Variants in TMEM45A observed in about 807,000 individuals in gnomAD.
TMEM45A encodes the protein transmembrane protein 45A.
TMEM45A carries 25 observed loss-of-function variants against 32.0 expected under a neutral mutation model. The ratio of observed to expected loss-of-function variants is 0.78; its 90% CI spans 0.57 to 1.09. TMEM45A has a LOEUF of 1.09. TMEM45A is among the 50% of genes least tolerant of loss of function. The pLI, the probability that TMEM45A is intolerant of heterozygous loss-of-function variation, is 0.00. For missense variants in TMEM45A, 302 were observed against 325.0 expected, an observed-to-expected ratio of 0.93 and a Z score of 0.54; for synonymous variants, 122 against 114.8, an observed-to-expected ratio of 1.06 and a Z score of -0.40.
intron 1 of TMEM45A, among the ~76,000 whole-genome samples, chr3:100,526,197 T>C (rs1705541740): frequency 6.6e-6 from 1 of 152,202 alleles, no homozygotes; most frequent in African/African-American, 2.4e-5. Flanking sequence ...GCAGAGGAGC[T>C]GTGTGCTGGG....
intron 1 of TMEM45A, among the ~76,000 whole-genome samples, chr3:100,493,691 A>G (rs1322186664): frequency 6.6e-6 from 1 of 152,100 alleles, no homozygotes; most frequent in Non-Finnish European, 1.5e-5. Flanking sequence ...TATGCTATAT[A>G]GTATACTCTA....
Position 100,576,638 on chromosome 3 carries a change from GAAAAGA to G in TMEM45A, c.735-266_735-261del, listed in dbSNP as rs766976717. ...CTGTCTCATAAAAAAAAATAGAAAAGAAAAGAAAAAGAAAAAGAAAAAGAAATGAGC... is the reference window on the plus strand; with the variant it reads ...CTGTCTCATAAAAAAAAATAGAAAAGAAAAGAAAAAGAAAAAGAAATGAGC... On this transcript the variant is annotated intron_variant, in intron 5 of 5. Transcript: ENST00000323523. 5.3e-5 allele frequency among the ~76,000 whole-genome samples: 8 copies of G among 151,782 alleles called. 1 individual carries two copies. The highest frequency in any genetic ancestry group is 4.2e-4 in the South Asian group (2 of 4,794).
intron 2 of TMEM45A, among the ~76,000 whole-genome samples, chr3:100,555,852 A>G (rs1403838704): frequency 6.6e-6 from 1 of 152,256 alleles, no homozygotes; most frequent in African/African-American, 2.4e-5. Context: ...GCATCAAATT[A>G]CACAGTAACA....
chr3:100,555,452 T>C (rs1369367476), intron 2 of TMEM45A, 51 bp downstream of exon 2: 5 of 1,497,014 alleles, frequency 3.3e-6, no homozygotes, highest in Non-Finnish European at 4.5e-6. Flanking sequence ...GTTTTCATTC[T>C]TTTAAAGAAT....
intron 1 of TMEM45A, among the ~76,000 whole-genome samples, chr3:100,515,299 T>TA (rs1351029096): frequency 6.6e-6 from 1 of 151,654 alleles, no homozygotes; most frequent in Non-Finnish European, 1.5e-5. Context: ...TATGCAGCCA[T>TA]AAAAAATGAT....
Position 100,555,219 on chromosome 3 carries a change from A to G in TMEM45A, c.8A>G (p.Asn3Ser). ...TTCTTATATTTGTAGATCATGGGGA[A>G]TTTCAGAGGTCATGCCCTCCCTGGA... The part of the protein sequence containing the change: MG[N>S]FRGHALPGTF... Residue 3 changes from asparagine to serine, a missense_variant, in exon 2 of 6, where the codon AAT becomes AGT. Physicochemically the swap from Asn to Ser is conservative, Grantham distance 46. Coordinates refer to ENST00000323523, the MANE Select transcript of TMEM45A (RefSeq NM_018004.3). The G allele has an allele frequency of 6.3e-7, 1 of 1,591,170 alleles. No homozygotes were observed. Among genetic ancestry groups the G allele is most frequent in the African/African-American group, 1.4e-5 (1 of 73,768 alleles).
At chr3:100,544,969 A>G (rs1705956177) in intron 1 of TMEM45A, among the ~76,000 whole-genome samples, 1 of 152,172 alleles carries the variant, frequency 6.6e-6, no homozygotes, top group Admixed American at 6.5e-5. Flanking sequence ...TAAGAGTTCT[A>G]GCTGGTCCAC....
intron 5 of TMEM45A, chr3:100,571,632 G>A (rs1706561853): frequency 6.6e-6 from 1 of 151,884 alleles, no homozygotes; most frequent in South Asian, 2.1e-4. Context: ...AAGTTTTAGG[G>A]TACATGTGCA....
intron 1 of TMEM45A, among the ~76,000 whole-genome samples, chr3:100,535,666 C>A (rs890375844): frequency 1.3e-5 from 2 of 152,196 alleles, no homozygotes; most frequent in Non-Finnish European, 2.9e-5. Flanking sequence ...GTAGTGATGA[C>A]ATCCAATCAT....
At chr3:100,499,566 T>C (rs147853163) in intron 1 of TMEM45A, among the ~76,000 whole-genome samples, 35 of 152,364 alleles carry the variant, frequency 2.3e-4, no homozygotes, top group African/African-American at 7.2e-4. Flanking sequence ...GATTTTTTCT[T>C]ATAGAATTAC....
intron 3 of TMEM45A, among the ~76,000 whole-genome samples, chr3:100,558,100 A>G (rs1316453920): frequency 6.6e-6 from 1 of 152,220 alleles, no homozygotes; most frequent in Non-Finnish European, 1.5e-5. Flanking sequence ...AAAGAGGAAA[A>G]GATATTCATT....
chr3:100,561,738 A>T (rs1198217290), intron 4 of TMEM45A, among the ~76,000 whole-genome samples: 1 of 152,314 alleles, frequency 6.6e-6, no homozygotes, highest in Non-Finnish European at 1.5e-5. Flanking sequence ...CTCACCGCCC[A>T]GGTGCAGGGA....
intron 1 of TMEM45A, among the ~76,000 whole-genome samples, chr3:100,535,408 A>T (rs1423359336): frequency 6.6e-6 from 1 of 152,070 alleles, no homozygotes; most frequent in Non-Finnish European, 1.5e-5. Flanking sequence ...ACACCAAGAG[A>T]CCGAGAGACC....
At chr3:100,537,732 G>A (rs947394820) in intron 1 of TMEM45A, among the ~76,000 whole-genome samples, 5 of 152,220 alleles carry the variant, frequency 3.3e-5, no homozygotes, top group African/African-American at 9.6e-5. Context: ...ATAGCCAAAC[G>A]TTCACACAGG....
At chr3:100,572,127 G>C (rs1304920131) in intron 5 of TMEM45A, 5 of 152,192 alleles carry the variant, frequency 3.3e-5, no homozygotes, top group African/African-American at 1.2e-4. Context: ...TAATGGGATG[G>C]CTGGATCAAA....
intron 1 of TMEM45A, among the ~76,000 whole-genome samples, chr3:100,546,996 C>T (rs761103712): frequency 2.6e-5 from 4 of 152,132 alleles, no homozygotes; most frequent in Non-Finnish European, 5.9e-5. Context: ...GGGGTCTGGC[C>T]ACCCCTTGCA....
chr3:100,555,505 C>A, intron 2 of TMEM45A, 104 bp downstream of exon 2: 1 of 1,225,998 alleles, frequency 8.2e-7, no homozygotes, highest in Non-Finnish European at 1.1e-6. Flanking sequence ...TTGTTCTGAT[C>A]TCTGAAAGAA....
chr3:100,551,055 C>T (rs1398536681), intron 1 of TMEM45A, among the ~76,000 whole-genome samples: 1 of 149,706 alleles, frequency 6.7e-6, no homozygotes, highest in African/African-American at 2.5e-5. Context: ...CCTCTGTCGC[C>T]CAGGCTGGAG....
At chr3:100,555,130 T>C (rs1706187189) in intron 1 of TMEM45A, 79 bp from the exon 2 acceptor site, 2 of 1,288,774 alleles carry the variant, frequency 1.6e-6, no homozygotes, top group African/African-American at 3.0e-5. Context: ...GACAGTGTAC[T>C]TTATGGAAAC....
Sources: allele counts gnomAD v4.1 joint callset (sites outside exome capture counted in the v4.1 genomes callset), GRCh38; gene constraint gnomAD v4.1.1; transcripts MANE v1.5; gene names NCBI Gene and HGNC (gene_info 2026-07-23, HGNC 2026-07-21).